The following CEP126 variants were observed in gnomAD, a reference collection of about 807,000 sequenced individuals.
CEP126 encodes centrosomal protein 126.
CEP126 carries 74 observed loss-of-function variants against 107.8 expected under a neutral mutation model. That is an observed-to-expected ratio of 0.69 (90% CI 0.57 to 0.83). CEP126 has a LOEUF of 0.83. CEP126 is among the 40% of genes least tolerant of loss of function. The pLI is 0.00. For missense variants in CEP126, 1,237 were observed against 1,281.9 expected (o/e 0.96, Z 0.53); for synonymous variants, 449 against 446.0 (o/e 1.01, Z -0.08).
In CEP126 at chr11:101,999,236, G is replaced by T. The variant is rs1941479309; in HGVS notation, c.*1593G>T. 1 of 151,620 alleles carries T rather than the reference G, an allele frequency of 6.6e-6. No individual in the cohort carries two copies. Among genetic ancestry groups the T allele is most frequent in the Admixed American group, 6.6e-5 (1 of 15,232 alleles). 9.4% of individuals were successfully genotyped at this position (151,620 alleles called of 1,614,324 possible). A position where few individuals can be genotyped will look rare whatever the true frequency, so the allele number is the denominator to read the frequency against. ...AATAACATTTCAATGGGGGTAAACA[G>T]GCCAGAAGAGTGTGCCAAGTTGTTT... is the stretch of plus-strand genomic sequence containing the variant. On this transcript the variant is annotated 3_prime_UTR_variant, in exon 11 of 11. Coordinates refer to ENST00000263468, the MANE Select transcript of CEP126 (RefSeq NM_020802.4).
At chr11:101,965,403 C>T (rs1029087263) in intron 6 of CEP126, among the ~76,000 whole-genome samples, 7 of 152,168 alleles carry the variant, frequency 4.6e-5, no homozygotes, top group Middle Eastern at 3.2e-3. Flanking sequence ...CAGATCCTAA[C>T]AGTGCCTGGC....
intron 4 of CEP126, among the ~76,000 whole-genome samples, chr11:101,951,788 A>G (rs1224220830): frequency 6.6e-6 from 1 of 152,240 alleles, no homozygotes; most frequent in Non-Finnish European, 1.5e-5. Flanking sequence ...ATAAATATCC[A>G]TGTAGAAATG....
intron 2 of CEP126, among the ~76,000 whole-genome samples, chr11:101,931,588 T>G (rs1340409426): frequency 1.3e-5 from 2 of 152,218 alleles, no homozygotes; most frequent in African/African-American, 4.8e-5. Context: ...AAGAACAATT[T>G]ATCCTTATTT....
chr11:101,969,956 G>T (rs1349369899), intron 6 of CEP126, among the ~76,000 whole-genome samples: 1 of 152,190 alleles, frequency 6.6e-6, no homozygotes, highest in Non-Finnish European at 1.5e-5. Flanking sequence ...TCTAAATGTG[G>T]AAAGTAAATT....
At chr11:101,947,778 A>G (rs950584016) in intron 3 of CEP126, among the ~76,000 whole-genome samples, 2 of 152,202 alleles carry the variant, frequency 1.3e-5, no homozygotes, top group Non-Finnish European at 2.9e-5. Flanking sequence ...CCAGGAATGA[A>G]GAGCCCAGAC....
At chr11:101,982,817 A>T (rs1339522142) in intron 8 of CEP126, among the ~76,000 whole-genome samples, 1 of 152,150 alleles carries the variant, frequency 6.6e-6, no homozygotes, top group Admixed American at 6.5e-5. Context: ...AAAATCCAAA[A>T]TTTTTTGACC....
At chr11:101,940,136 A>G (rs1336619816) in intron 2 of CEP126, among the ~76,000 whole-genome samples, 1 of 152,236 alleles carries the variant, frequency 6.6e-6, no homozygotes, top group African/African-American at 2.4e-5. Flanking sequence ...TGTCATAGGT[A>G]TAAGTTATTT....
intron 1 of CEP126, among the ~76,000 whole-genome samples, chr11:101,919,251 C>A (rs566876765): frequency 2.0e-5 from 3 of 151,948 alleles, no homozygotes; most frequent in Non-Finnish European, 4.4e-5. Flanking sequence ...GAGGAAAAAT[C>A]GAATCAACAT....
At chr11:101,988,342 A>G (rs1941337744) in intron 9 of CEP126, among the ~76,000 whole-genome samples, 1 of 152,208 alleles carries the variant, frequency 6.6e-6, no homozygotes, top group Non-Finnish European at 1.5e-5. Context: ...TAGATTATGA[A>G]TCAAAGAAAT....
In CEP126 at chr11:101,963,168, G is replaced by A. The variant is rs77585073; in HGVS notation, c.2133G>A (p.Leu711=). 24 of 1,613,938 alleles carry A rather than the reference G, an allele frequency of 1.5e-5. No homozygotes were observed. In the East Asian group the frequency reaches 4.2e-4, roughly 28 times the overall value. Residue 711 remains leucine (L), a synonymous_variant, in exon 6 of 11, where the codon TTG becomes TTA. Coordinates refer to ENST00000263468, the MANE Select transcript of CEP126 (RefSeq NM_020802.4). ...GATCTGGAGCAGACCATATGCCTTT[G>A]AACTGTTTTATACCTTCAGGTTATA... is the stretch of plus-strand genomic sequence containing the variant. ...LGGSGADHMP[L]NCFIPSGYNF...
rs997276433 is a variant in CEP126 at position 101,997,891 on chromosome 11, C to T, written c.*248C>T. 6.6e-6 allele frequency: 3 copies of T among 456,562 alleles called. No individual in the cohort carries two copies. Among genetic ancestry groups the T allele is most frequent in the South Asian group, 8.2e-5 (2 of 24,344 alleles). 28.3% of individuals were successfully genotyped at this position (456,562 alleles called of 1,614,324 possible). Reference sequence around the variant, plus strand: ...TGCCTAAACAAAAAGCAGGACATAACCTAGCTCTGAATACATGCCACAAGG... The same window carrying T: ...TGCCTAAACAAAAAGCAGGACATAATCTAGCTCTGAATACATGCCACAAGG... On this transcript the variant is annotated 3_prime_UTR_variant, in exon 11 of 11. Coordinates refer to ENST00000263468, the MANE Select transcript of CEP126 (RefSeq NM_020802.4).
intron 6 of CEP126, among the ~76,000 whole-genome samples, chr11:101,976,937 A>T (rs577608045): frequency 1.3e-5 from 2 of 152,314 alleles, no homozygotes; most frequent in Admixed American, 1.3e-4. Flanking sequence ...TTCTAGACAA[A>T]TGGATTCCAA....
chr11:101,960,425 T>A (rs1009347986), intron 5 of CEP126, among the ~76,000 whole-genome samples: 4 of 152,188 alleles, frequency 2.6e-5, no homozygotes, highest in Non-Finnish European at 5.9e-5. Context: ...CCTCAAAGGA[T>A]GCCTTCCAGG....
At chr11:101,916,778 C>T (rs1940221864) in intron 1 of CEP126, among the ~76,000 whole-genome samples, 1 of 151,950 alleles carries the variant, frequency 6.6e-6, no homozygotes, top group Non-Finnish European at 1.5e-5. Context: ...TGGTTGTAGG[C>T]CTCATTTTTT....
intron 1 of CEP126, among the ~76,000 whole-genome samples, chr11:101,918,389 A>T (rs1940269117): frequency 6.6e-6 from 1 of 152,202 alleles, no homozygotes. Context: ...TGGAGGTTGC[A>T]GTGAGCCGAG....
intron 2 of CEP126, among the ~76,000 whole-genome samples, chr11:101,939,149 A>G (rs929160599): frequency 6.6e-6 from 1 of 152,020 alleles, no homozygotes; most frequent in Non-Finnish European, 1.5e-5. Flanking sequence ...ACTTTTTTCC[A>G]GTTGTTCTGT....
At chr11:101,978,283 C>G in intron 6 of CEP126, 64 bp from the exon 7 acceptor site, 2 of 961,098 alleles carry the variant, frequency 2.1e-6, no homozygotes, top group Non-Finnish European at 3.2e-6. Context: ...TGAAAATTTG[C>G]AGTGGGTATA....
chr11:101,994,585 A>C (rs565353462), intron 10 of CEP126, among the ~76,000 whole-genome samples: 2 of 152,286 alleles, frequency 1.3e-5, no homozygotes, highest in African/African-American at 4.8e-5. Context: ...TCTTCTGCAC[A>C]TGGCTATCCA....
intron 2 of CEP126, among the ~76,000 whole-genome samples, chr11:101,939,290 T>G (rs560569883): frequency 2.3e-4 from 35 of 152,336 alleles, no homozygotes; most frequent in African/African-American, 8.4e-4. Flanking sequence ...TTTTTGTGTC[T>G]TCCTGATGAA....
Sources: allele counts gnomAD v4.1 joint callset (sites outside exome capture counted in the v4.1 genomes callset), GRCh38; gene constraint gnomAD v4.1.1; transcripts MANE v1.5; gene names NCBI Gene and HGNC (gene_info 2026-07-23, HGNC 2026-07-21).